ACVR1: variants seen among roughly 807,000 people sequenced by gnomAD.
The protein encoded by ACVR1 is activin A receptor type 1.
ACVR1 carries 38 observed loss-of-function variants against 57.1 expected under a neutral mutation model. The observed-to-expected ratio is 0.67, with a 90% CI of 0.51 to 0.87. ACVR1 has a LOEUF of 0.87. Among genes scored for constraint, ACVR1 ranks in the 40% least tolerant of loss-of-function variants. The probability of loss-of-function intolerance (pLI) is 0.00; values close to 1 mark genes in which losing one functional copy is unlikely to be tolerated. For missense variants in ACVR1, 463 were observed against 638.2 expected (o/e 0.73, Z 2.96); for synonymous variants, 212 against 228.1 (o/e 0.93, Z 0.63).
At chr2:157,875,204 C>T (rs1184861815) in intron 1 of ACVR1, 1 of 152,226 alleles carries the variant, frequency 6.6e-6, no homozygotes, top group African/African-American at 2.4e-5. Context: ...CATCTGTAAC[C>T]ACATTTGCCT....
At chr2:157,761,521 A>C (rs1444856001) in intron 8 of ACVR1, among the ~76,000 whole-genome samples, 1 of 152,186 alleles carries the variant, frequency 6.6e-6, no homozygotes, top group East Asian at 1.9e-4. Context: ...ATTTAAAGTA[A>C]TTTATCACTA....
chr2:157,865,862 A>AGATT (rs1553452972), intron 1 of ACVR1, among the ~76,000 whole-genome samples: 28 of 149,928 alleles, frequency 1.9e-4, no homozygotes, highest in South Asian at 2.1e-4. Context: ...ATAGATAGAT[A>AGATT]GATTGACTGA....
chr2:157,852,525 A>G (rs1373854580), intron 1 of ACVR1, among the ~76,000 whole-genome samples: 5 of 151,630 alleles, frequency 3.3e-5, no homozygotes, highest in East Asian at 3.9e-4. Context: ...AAAAAAAAAG[A>G]GCAAGACCTT....
chr2:157,798,398 C>A (rs1270811410), intron 3 of ACVR1, among the ~76,000 whole-genome samples: 1 of 151,836 alleles, frequency 6.6e-6, no homozygotes, highest in Non-Finnish European at 1.5e-5. Flanking sequence ...CACACCAGTA[C>A]CAATCTATTT....
chr2:157,797,465 T>C (rs67627469), intron 3 of ACVR1, among the ~76,000 whole-genome samples: 1,961 of 152,306 alleles, frequency 0.013, 20 homozygotes, highest in African/African-American at 0.022. Flanking sequence ...CCACTCTTCA[T>C]GGAGGAACAC....
chr2:157,821,417 C>T (rs997751605), intron 1 of ACVR1, among the ~76,000 whole-genome samples: 8 of 152,028 alleles, frequency 5.3e-5, no homozygotes, highest in African/African-American at 1.9e-4. Flanking sequence ...CCTAGCTACT[C>T]GGGAGTCTGA....
In ACVR1 at chr2:157,770,524, G is replaced by A. The variant is rs1274099272; in HGVS notation, c.644-10C>T. On this transcript the variant is annotated splice_polypyrimidine_tract_variant and intron_variant, in intron 6 of 10. Coordinates refer to ENST00000434821, the MANE Select transcript of ACVR1 (RefSeq NM_001111067.4). ...CCATACCTGCCTTTCCCTATGAAAA[G>A]CAAAACATAGGTGACACAGAACAGT... The A allele has an allele frequency of 1.9e-6, 3 of 1,613,904 alleles. No homozygotes were observed. The Admixed American group carries it at 5.0e-5, about 27-fold the overall frequency.
At chr2:157,753,711 A>G (rs1319724719) in intron 9 of ACVR1, among the ~76,000 whole-genome samples, 1 of 152,232 alleles carries the variant, frequency 6.6e-6, no homozygotes, top group Non-Finnish European at 1.5e-5. Context: ...CAAGACAGAA[A>G]GACAAGAAAG....
intron 1 of ACVR1, among the ~76,000 whole-genome samples, chr2:157,873,737 G>T (rs1008232954): frequency 7.9e-5 from 12 of 152,066 alleles, no homozygotes; most frequent in African/African-American, 2.9e-4. Flanking sequence ...TCCAATCTAG[G>T]GCAAGATAGA....
At chr2:157,854,645 C>G (rs1342490309) in intron 1 of ACVR1, among the ~76,000 whole-genome samples, 1 of 151,732 alleles carries the variant, frequency 6.6e-6, no homozygotes, top group Non-Finnish European at 1.5e-5. Context: ...ATGGCATGAA[C>G]CCGGGAGGCA....
At chr2:157,846,321 A>C (rs1689125599) in intron 1 of ACVR1, among the ~76,000 whole-genome samples, 1 of 152,204 alleles carries the variant, frequency 6.6e-6, no homozygotes, top group African/African-American at 2.4e-5. Context: ...TCAAGATACT[A>C]AATTTGTCAT....
intron 9 of ACVR1, among the ~76,000 whole-genome samples, chr2:157,757,617 C>G (rs1685485770): frequency 6.6e-6 from 1 of 151,768 alleles, no homozygotes; most frequent in African/African-American, 2.4e-5. Flanking sequence ...AAAGAAAAAA[C>G]AAAACTGTCA....
In ACVR1 at chr2:157,766,147, C is replaced by G; in HGVS notation, c.840G>C (p.Trp280Cys). ...MTSRHSSTQL[W>C]LITHYHEMGS... ...CCATTTCATGATAATGTGTAATTAA[C>G]CACAGCTGGGTACTGGAGTGTCTTG... The change falls in exon 8 of 11, where the codon TGG (tryptophan) becomes TGC (cysteine). Residue 280 changes from tryptophan to cysteine, a missense_variant. Physicochemically the swap from Trp to Cys is radical, Grantham distance 215. Transcript: ENST00000434821. 6.2e-7 allele frequency: 1 copy of G among 1,614,072 alleles called. No individual in the cohort carries two copies. The highest frequency in any genetic ancestry group is 1.3e-5 in the African/African-American group (1 of 75,042).
At chr2:157,846,476 G>T (rs1689128659) in intron 1 of ACVR1, among the ~76,000 whole-genome samples, 1 of 152,054 alleles carries the variant, frequency 6.6e-6, no homozygotes, top group Non-Finnish European at 1.5e-5. Flanking sequence ...ATTTAATTCT[G>T]CCAAAGCTCA....
chr2:157,871,908 C>T (rs1690127234), intron 1 of ACVR1, among the ~76,000 whole-genome samples: 1 of 152,210 alleles, frequency 6.6e-6, no homozygotes, highest in African/African-American at 2.4e-5. Context: ...GTGCCAACCA[C>T]ACCAAACTGA....
intron 1 of ACVR1, among the ~76,000 whole-genome samples, chr2:157,845,115 G>A (rs1689090209): frequency 6.6e-6 from 1 of 152,206 alleles, no homozygotes; most frequent in Non-Finnish European, 1.5e-5. Flanking sequence ...TAGAGATGAT[G>A]GGGTCCCAAT....
At chr2:157,847,739 G>A (rs761583908) in intron 1 of ACVR1, among the ~76,000 whole-genome samples, 4 of 152,156 alleles carry the variant, frequency 2.6e-5, no homozygotes, top group Non-Finnish European at 5.9e-5. Context: ...GTAATACTAT[G>A]GGAACACAGA....
At chr2:157,804,831 G>A (rs895566997) in intron 2 of ACVR1, among the ~76,000 whole-genome samples, 8 of 152,148 alleles carry the variant, frequency 5.3e-5, no homozygotes, top group South Asian at 2.1e-4. Context: ...AGTACAAAAC[G>A]ACTTTCCAAA....
chr2:157,862,436 C>T (rs1397246148), intron 1 of ACVR1, among the ~76,000 whole-genome samples: 1 of 151,326 alleles, frequency 6.6e-6, no homozygotes, highest in Non-Finnish European at 1.5e-5. Context: ...CACACACACA[C>T]ACACACACAC....
Sources: allele counts gnomAD v4.1 joint callset (sites outside exome capture counted in the v4.1 genomes callset), GRCh38; gene constraint gnomAD v4.1.1; transcripts MANE v1.5; gene names NCBI Gene and HGNC (gene_info 2026-07-23, HGNC 2026-07-21).